ATG5: variants seen among roughly 807,000 people sequenced by gnomAD.
ATG5 encodes the protein autophagy related 5.
A neutral mutation model predicts 36.5 loss-of-function variants in ATG5; 14 were observed. The ratio of observed to expected loss-of-function variants is 0.38; its 90% CI spans 0.25 to 0.60. The LOEUF (loss-of-function observed/expected upper bound fraction) is 0.60. Ranked by LOEUF, ATG5 falls within the 20% of genes least tolerant of loss-of-function variation. The pLI, the probability that ATG5 is intolerant of heterozygous loss-of-function variation, is 0.60. For synonymous variants in ATG5, 95 were observed against 101.5 expected, an observed-to-expected ratio of 0.94 and a Z score of 0.38; for missense variants, 195 against 326.7, an observed-to-expected ratio of 0.60 and a Z score of 3.11.
At chr6:106,292,055 G>T (rs548354833) in intron 4 of ATG5, among the ~76,000 whole-genome samples, 2 of 152,292 alleles carry the variant, frequency 1.3e-5, no homozygotes, top group African/African-American at 4.8e-5. Context: ...ACACCTAAAT[G>T]ACTTTTTCAA....
chr6:106,313,536 A>G (rs1287264182), intron 2 of ATG5, among the ~76,000 whole-genome samples: 1 of 152,256 alleles, frequency 6.6e-6, no homozygotes, highest in Non-Finnish European at 1.5e-5. Flanking sequence ...ATGAAAAGCA[A>G]CAGTTTAAAT....
At chr6:106,290,730 T>A (rs1263256193) in intron 4 of ATG5, among the ~76,000 whole-genome samples, 1 of 152,234 alleles carries the variant, frequency 6.6e-6, no homozygotes, top group Non-Finnish European at 1.5e-5. Context: ...TTTTTACACA[T>A]GCATGATCTT....
chr6:106,319,025 G>A (rs1460684968), intron 1 of ATG5, among the ~76,000 whole-genome samples: 5 of 152,158 alleles, frequency 3.3e-5, no homozygotes, highest in African/African-American at 1.2e-4. Context: ...GAGCCAGACT[G>A]TCTGGAGCCA....
chr6:106,204,966 G>A (rs1776578741), intron 6 of ATG5, among the ~76,000 whole-genome samples: 1 of 152,160 alleles, frequency 6.6e-6, no homozygotes, highest in Non-Finnish European at 1.5e-5. Context: ...ATAAGGTTGA[G>A]GAGTTCAGAG....
intron 5 of ATG5, among the ~76,000 whole-genome samples, chr6:106,262,372 GTA>G (rs1483607214): frequency 1.3e-5 from 2 of 152,050 alleles, no homozygotes; most frequent in African/African-American, 4.8e-5. Context: ...CCGGTCTAGG[GTA>G]TATTTCTAAT....
chr6:106,276,566 C>T (rs1208150242), intron 5 of ATG5, among the ~76,000 whole-genome samples: 1 of 151,990 alleles, frequency 6.6e-6, no homozygotes, highest in East Asian at 1.9e-4. Context: ...TCTTCTAACA[C>T]TTAATCATTA....
chr6:106,274,978 T>C (rs1038662277), intron 5 of ATG5, among the ~76,000 whole-genome samples: 1 of 152,182 alleles, frequency 6.6e-6, no homozygotes, highest in Admixed American at 6.5e-5. Flanking sequence ...TGCCTCCACT[T>C]TTCTATAAAG....
At chr6:106,204,685 T>C (rs1230016954) in intron 6 of ATG5, among the ~76,000 whole-genome samples, 1 of 152,182 alleles carries the variant, frequency 6.6e-6, no homozygotes, top group Non-Finnish European at 1.5e-5. Context: ...CAGTTTTTCC[T>C]GCACTCTCAT....
intron 6 of ATG5, among the ~76,000 whole-genome samples, chr6:106,235,752 T>G (rs1777876250): frequency 6.9e-6 from 1 of 144,564 alleles, no homozygotes; most frequent in Non-Finnish European, 1.5e-5. Context: ...CTACCTTCTT[T>G]GGGTCCCCTC....
intron 5 of ATG5, among the ~76,000 whole-genome samples, chr6:106,255,550 C>T (rs1415206767): frequency 2.0e-5 from 3 of 152,132 alleles, no homozygotes; most frequent in Non-Finnish European, 2.9e-5. Flanking sequence ...CATCTTTAAA[C>T]GTATTCCAAG....
At chr6:106,301,858 G>C (rs1770221911) in intron 3 of ATG5, among the ~76,000 whole-genome samples, 1 of 151,976 alleles carries the variant, frequency 6.6e-6, no homozygotes, top group East Asian at 1.9e-4. Context: ...AAGTTACGAA[G>C]TACAAGGTAC....
chr6:106,257,835 T>G (rs1285304587), intron 5 of ATG5, among the ~76,000 whole-genome samples: 1 of 151,956 alleles, frequency 6.6e-6, no homozygotes, highest in Non-Finnish European at 1.5e-5. Flanking sequence ...GAATCTGGAG[T>G]TTAATTAAAA....
chr6:106,218,791 C>G (rs1449750644), intron 6 of ATG5, among the ~76,000 whole-genome samples: 2 of 152,074 alleles, frequency 1.3e-5, no homozygotes, highest in African/African-American at 2.4e-5. Flanking sequence ...TTAGAAGTAA[C>G]AGATAATTAC....
chr6:106,320,427 G>C (rs575381566), intron 1 of ATG5, among the ~76,000 whole-genome samples: 3 of 152,300 alleles, frequency 2.0e-5, no homozygotes, highest in Admixed American at 1.3e-4. Flanking sequence ...AAGGTATTAA[G>C]TGGGCAGGTG....
At chr6:106,260,372 G>C (rs1778972080) in intron 5 of ATG5, among the ~76,000 whole-genome samples, 1 of 152,120 alleles carries the variant, frequency 6.6e-6, no homozygotes, top group African/African-American at 2.4e-5. Flanking sequence ...AATGCTGTTT[G>C]GGATACTTTT....
At chr6:106,285,271 T>TA (rs1415979613) in intron 4 of ATG5, among the ~76,000 whole-genome samples, 1 of 152,228 alleles carries the variant, frequency 6.6e-6, no homozygotes, top group Non-Finnish European at 1.5e-5. Context: ...TTTTTTAAGT[T>TA]ACTGAATTTA....
chr6:106,300,963 T>C (rs1770183888), intron 3 of ATG5, among the ~76,000 whole-genome samples: 1 of 152,122 alleles, frequency 6.6e-6, no homozygotes, highest in South Asian at 2.1e-4. Flanking sequence ...GTTCTAAATT[T>C]CGTGCTTGAA....
chr6:106,217,731 C>G (rs1405628378), intron 6 of ATG5: 3 of 152,176 alleles, frequency 2.0e-5, no homozygotes, highest in Non-Finnish European at 1.5e-5. Flanking sequence ...TTCACTATTA[C>G]TTATATGGCT....
At chr6:106,235,783 C>G (rs1224038756) in intron 6 of ATG5, among the ~76,000 whole-genome samples, 1 of 151,610 alleles carries the variant, frequency 6.6e-6, no homozygotes, top group Non-Finnish European at 1.5e-5. Context: ...GGAGCTCTCT[C>G]TGTCTTCACT....
Sources: gnomAD v4.1 joint callset for allele counts (sites outside exome capture counted in the v4.1 genomes callset) on GRCh38, gnomAD v4.1.1 for gene constraint, MANE v1.5 for transcripts, NCBI Gene and HGNC (gene_info 2026-07-23, HGNC 2026-07-21) for gene names.